PCSK5: variants seen among roughly 807,000 people sequenced by gnomAD.
PCSK5 encodes the protein proprotein convertase subtilisin/kexin type 5.
A neutral mutation model predicts 233.2 loss-of-function variants in PCSK5; 129 were observed. The observed-to-expected ratio is 0.55, with a 90% CI of 0.48 to 0.64. The LOEUF (loss-of-function observed/expected upper bound fraction) is 0.64. PCSK5 is among the 30% of genes least tolerant of loss of function. The pLI is 0.00. For synonymous variants in PCSK5, 825 were observed against 879.2 expected, an observed-to-expected ratio of 0.94 and a Z score of 1.09; for missense variants, 2,076 against 2,430.1, an observed-to-expected ratio of 0.85 and a Z score of 3.06.
chr9:76,328,263 C>A, intron 33 of PCSK5, 24 bp downstream of exon 33: 2 of 1,531,272 alleles, frequency 1.3e-6, no homozygotes, highest in Admixed American at 1.7e-5. Flanking sequence ...CCGAGGACAG[C>A]TTTGTGTTTC....
rs1563978674 is a variant in PCSK5, at chr9:76,023,723, C to T, written c.412-15C>T. ...CACTATTTAGTAATCTTGCAGCATG[C>T]TCTTCTTCTTTCAGCACTGCAGTGA... is the stretch of plus-strand genomic sequence containing the variant. On this transcript the variant is annotated splice_polypyrimidine_tract_variant and intron_variant, in intron 3 of 37. Coordinates refer to ENST00000674117, the MANE Select transcript of PCSK5 (RefSeq NM_001372043.1). The T allele has an allele frequency of 1.3e-6, 2 of 1,591,256 alleles. No homozygotes were observed. The highest frequency in any genetic ancestry group is 1.8e-5 in the Admixed American group (1 of 55,134).
intron 5 of PCSK5, among the ~76,000 whole-genome samples, chr9:76,061,025 A>C (rs1303542273): frequency 6.6e-6 from 1 of 152,188 alleles, no homozygotes; most frequent in Non-Finnish European, 1.5e-5. Context: ...AATAGTCACT[A>C]AATATCTTTT....
chr9:76,203,720 C>T (rs1389207909), intron 20 of PCSK5, among the ~76,000 whole-genome samples: 2 of 152,144 alleles, frequency 1.3e-5, no homozygotes, highest in Admixed American at 1.3e-4. Flanking sequence ...TTTTAAGCTA[C>T]AAAGTTTATA....
Position 76,361,105 on chromosome 9 carries a change from G to C in PCSK5, c.*2183G>C, listed in dbSNP as rs1443308681. The C allele has an allele frequency of 6.6e-6, 1 of 152,122 alleles. No homozygotes were observed. Among genetic ancestry groups the C allele is most frequent in the Non-Finnish European group, 1.5e-5 (1 of 68,024 alleles). 9.4% of individuals were successfully genotyped at this position (152,122 alleles called of 1,614,324 possible). ...CATACCTCTAATCCTAGCACTTTGG[G>C]AGACTGAGGCAGGCAGATCACCTGA... On this transcript the variant is annotated 3_prime_UTR_variant, in exon 38 of 38. Coordinates refer to ENST00000674117, the MANE Select transcript of PCSK5 (RefSeq NM_001372043.1).
At chr9:76,331,365 A>G (rs1829529117) in intron 33 of PCSK5, among the ~76,000 whole-genome samples, 1 of 152,156 alleles carries the variant, frequency 6.6e-6, no homozygotes, top group South Asian at 2.1e-4. Context: ...CAAGGGTCTG[A>G]TAAGAGAGAT....
chr9:76,325,636 TGCA>T (rs1829337404), intron 32 of PCSK5, among the ~76,000 whole-genome samples: 1 of 151,718 alleles, frequency 6.6e-6, no homozygotes, highest in African/African-American at 2.4e-5. Context: ...ACAATGACAT[TGCA>T]CTTTCTTTTT....
At chr9:76,074,668 A>C (rs1396974849) in intron 7 of PCSK5, among the ~76,000 whole-genome samples, 1 of 152,124 alleles carries the variant, frequency 6.6e-6, no homozygotes, top group African/African-American at 2.4e-5. Flanking sequence ...CTCTGCTTCC[A>C]TTTTCTCATC....
chr9:76,275,665 T>A (rs935159679), intron 24 of PCSK5, among the ~76,000 whole-genome samples: 1 of 152,208 alleles, frequency 6.6e-6, no homozygotes, highest in African/African-American at 2.4e-5. Flanking sequence ...TCTCAAGTGA[T>A]CCACCTGCCT....
chr9:76,071,776 G>A lies in PCSK5; in HGVS notation c.772G>A (p.Val258Ile). 6.2e-7 allele frequency: 1 copy of A among 1,614,074 alleles called. No homozygotes were observed. The highest frequency in any genetic ancestry group is 8.5e-7 in the Non-Finnish European group (1 of 1,179,976). ...DVTDMVEAKS[V>I]SFNPQHVHIY... is the part of the protein sequence containing the mutation. ...CACGGACATGGTTGAAGCAAAATCA[G>A]TTAGCTTCAACCCCCAGCACGTGCA... The change falls in exon 7 of 38, where the codon GTT becomes ATT. Residue 258 changes from valine (V) to isoleucine (I), a missense_variant. Val to Ile is a conservative substitution (Grantham distance 29). Transcript: ENST00000674117.
intron 3 of PCSK5, among the ~76,000 whole-genome samples, chr9:75,991,816 G>C (rs1027134282): frequency 2.6e-5 from 4 of 152,046 alleles, no homozygotes; most frequent in African/African-American, 4.8e-5. Flanking sequence ...TTAAGAATCT[G>C]GGACTACCAA....
chr9:76,349,114 AT>A (rs1830050951), intron 35 of PCSK5, among the ~76,000 whole-genome samples: 1 of 49,836 alleles, frequency 2.0e-5, no homozygotes. Flanking sequence ...TACTAAAAAC[AT>A]AAAAAAAAAT....
chr9:76,356,665 G>A (rs1830311230), intron 37 of PCSK5, among the ~76,000 whole-genome samples: 1 of 152,050 alleles, frequency 6.6e-6, no homozygotes, highest in South Asian at 2.1e-4. Context: ...CGGCTTGATA[G>A]GTAAAATCCC....
At chr9:76,207,571 G>A (rs1170150283) in intron 20 of PCSK5, among the ~76,000 whole-genome samples, 1 of 152,170 alleles carries the variant, frequency 6.6e-6, no homozygotes, top group Non-Finnish European at 1.5e-5. Context: ...GGGTATATAA[G>A]GATATAATAG....
intron 21 of PCSK5, 94 bp downstream of exon 21, chr9:76,227,699 C>A: frequency 1.3e-6 from 1 of 760,608 alleles, no homozygotes; most frequent in East Asian, 2.7e-5. Flanking sequence ...ACCTCATGGG[C>A]CTGCAGTGAA....
At chr9:76,228,863 C>T (rs139734677) in intron 21 of PCSK5, among the ~76,000 whole-genome samples, 3 of 152,286 alleles carry the variant, frequency 2.0e-5, no homozygotes, top group South Asian at 2.1e-4. Context: ...TTCTTGCAAG[C>T]GGGTGCTGTG....
At chr9:76,220,526 CA>C (rs57063521) in intron 20 of PCSK5, among the ~76,000 whole-genome samples, 28,818 of 99,902 alleles carry the variant, frequency 0.29, 3,511 homozygotes, top group East Asian at 0.59. Flanking sequence ...GACTCTGTCT[CA>C]AAAAAAAAAA....
At chr9:76,293,754 T>C (rs994556839) in intron 25 of PCSK5, among the ~76,000 whole-genome samples, 2 of 152,250 alleles carry the variant, frequency 1.3e-5, no homozygotes, top group Non-Finnish European at 2.9e-5. Context: ...TGAGCATGTT[T>C]CATAAAACCC....
intron 12 of PCSK5, among the ~76,000 whole-genome samples, chr9:76,164,453 A>C (rs185387328): frequency 6.6e-5 from 10 of 152,338 alleles, no homozygotes; most frequent in African/African-American, 2.4e-4. Context: ...CATACTTAGC[A>C]CAGTGCCTAG....
chr9:76,135,689 C>G (rs1031068685), intron 10 of PCSK5, among the ~76,000 whole-genome samples: 1 of 151,942 alleles, frequency 6.6e-6, no homozygotes, highest in Non-Finnish European at 1.5e-5. Flanking sequence ...CCACATGCTC[C>G]CAACTCGTAC....
Sources: gnomAD v4.1 joint callset for allele counts (sites outside exome capture counted in the v4.1 genomes callset) on GRCh38, gnomAD v4.1.1 for gene constraint, MANE v1.5 for transcripts, NCBI Gene and HGNC (gene_info 2026-07-23, HGNC 2026-07-21) for gene names.